Variants in PCSK9 observed in about 807,000 individuals in gnomAD.
PCSK9 encodes the protein convertase subtilisin/kexin type 9 preproprotein.
PCSK9 carries 57 observed loss-of-function variants against 62.1 expected under a neutral mutation model. The ratio of observed to expected loss-of-function variants is 0.92; its 90% CI spans 0.74 to 1.14. The LOEUF (loss-of-function observed/expected upper bound fraction) is 1.14. PCSK9 is among the 50% of genes most tolerant of loss of function. The pLI, the probability that PCSK9 is intolerant of heterozygous loss-of-function variation, is 0.00. For synonymous variants in PCSK9, 387 were observed against 409.4 expected (o/e 0.95, Z 0.66); for missense variants, 870 against 959.8 (o/e 0.91, Z 1.24).
chr1:55,039,970 T>A lies in PCSK9; in HGVS notation c.133T>A (p.Leu45Met). ...CGACTACGAGGAGCTGGTGCTAGCCTTGCGTTCCGAGGAGGACGGCCTGGC... is the reference window on the plus strand; with the variant it reads ...CGACTACGAGGAGCTGGTGCTAGCCATGCGTTCCGAGGAGGACGGCCTGGC... ...DGDYEELVLALRSEEDGLAEA... is the reference protein window; with the variant it reads ...DGDYEELVLAMRSEEDGLAEA... The change falls in exon 1 of 12, where the codon TTG (leucine) becomes ATG (methionine). Residue 45 changes from leucine (L) to methionine (M), a missense_variant. Coordinates refer to ENST00000302118, the MANE Select transcript of PCSK9 (RefSeq NM_174936.4). 6.3e-7 allele frequency: 1 copy of A among 1,580,234 alleles called. No individual in the cohort carries two copies. The highest frequency in any genetic ancestry group is 1.8e-5 in the Admixed American group (1 of 55,394).
At position 55,040,713 on chromosome 1, in the gene PCSK9, CTT is replaced by C. The variant is rs1644592558; in HGVS notation, c.207+671_207+672del. On this transcript the variant is annotated intron_variant, in intron 1 of 11. Coordinates refer to ENST00000302118, the MANE Select transcript of PCSK9 (RefSeq NM_174936.4). This position sits in a 1 kb window ranked among gnomAD's most constrained non-coding sequence, Gnocchi z 4.1. ...GGTATTCTCGAGGCCCATTGGCGTCCTTTAGGACTCAGGCAGGGAAGGGCCCT... is the reference window on the plus strand; with the variant it reads ...GGTATTCTCGAGGCCCATTGGCGTCCTAGGACTCAGGCAGGGAAGGGCCCT... Among the ~76,000 whole-genome samples the C allele has an allele frequency of 6.6e-6, 1 of 152,336 alleles. No homozygotes were observed. Among genetic ancestry groups the C allele is most frequent in the Admixed American group, 6.5e-5 (1 of 15,308 alleles).
intron 11 of PCSK9, among the ~76,000 whole-genome samples, 160 bp from the exon 12 acceptor site, chr1:55,063,209 C>T (rs969214179): frequency 2.7e-5 from 4 of 149,848 alleles, no homozygotes; most frequent in East Asian, 4.1e-4. Context: ...GTGGGAGGTG[C>T]GGGGTGGGAG....
chr1:55,053,536 G>A (rs929941341), intron 5 of PCSK9, among the ~76,000 whole-genome samples: 1 of 151,724 alleles, frequency 6.6e-6, no homozygotes, highest in African/African-American at 2.4e-5. Context: ...TGGGAAAACT[G>A]TCAGCTCTGG....
chr1:55,060,747 C>T (rs942721711), intron 10 of PCSK9, among the ~76,000 whole-genome samples: 7 of 152,268 alleles, frequency 4.6e-5, no homozygotes, highest in Non-Finnish European at 8.8e-5. Context: ...GTGGCTGCCC[C>T]GAGCCCTTGC....
intron 3 of PCSK9, chr1:55,051,892 G>T (rs1032242440): frequency 3.1e-6 from 1 of 321,488 alleles, no homozygotes; most frequent in Non-Finnish European, 6.0e-6. Flanking sequence ...AAATCTTGTT[G>T]TCTTTCTTGC....
At chr1:55,050,578 CACGGG>C (rs1293669935) in intron 3 of PCSK9, among the ~76,000 whole-genome samples, 6 of 152,206 alleles carry the variant, frequency 3.9e-5, no homozygotes, top group Non-Finnish European at 8.8e-5. Flanking sequence ...CCAAAGTGCC[CACGGG>C]ACTGATCAGT....
At chr1:55,044,115 C>A in intron 2 of PCSK9, 81 bp downstream of exon 2, 1 of 1,507,384 alleles carries the variant, frequency 6.6e-7, no homozygotes, top group Non-Finnish European at 9.2e-7. Flanking sequence ...CTTAGTAGGC[C>A]CATTGCTGAA....
Position 55,059,683 on chromosome 1 carries a change from C to T in PCSK9, c.1681+20C>T, listed in dbSNP as rs1644744363. ...TCACAGGTAGGAGGCTGGGCTTGCC[C>T]TGGGGTGAGGAGGGGTCTCTTTCTC... On this transcript the variant is annotated intron_variant, in intron 10 of 11. Coordinates refer to ENST00000302118, the MANE Select transcript of PCSK9 (RefSeq NM_174936.4). 6.5e-7 allele frequency: 1 copy of T among 1,548,022 alleles called. No homozygotes were observed. Among genetic ancestry groups the T allele is most frequent in the Non-Finnish European group, 8.7e-7 (1 of 1,145,764 alleles).
At chr1:55,059,708 C>G in intron 10 of PCSK9, 45 bp downstream of exon 10, 1 of 1,541,648 alleles carries the variant, frequency 6.5e-7, no homozygotes, top group African/African-American at 1.4e-5. Context: ...GTCTCTTTCT[C>G]CTTATGCACC....
At chr1:55,044,241 A>C (rs1210115640) in intron 2 of PCSK9, among the ~76,000 whole-genome samples, 1 of 152,192 alleles carries the variant, frequency 6.6e-6, no homozygotes, top group African/African-American at 2.4e-5. Context: ...TGGTACGTCT[A>C]TCTTCATTTG....
chr1:55,052,740 C>G lies in PCSK9; in HGVS notation c.748C>G (p.Leu250Val). Residue 250 changes from leucine to valine, a missense_variant, in exon 5 of 12, where the codon CTG becomes GTG. Physicochemically the swap from Leu to Val is conservative, Grantham distance 32. Coordinates refer to ENST00000302118, the MANE Select transcript of PCSK9 (RefSeq NM_174936.4). ...GGCCAAGGGTGCCAGCATGCGCAGC[C>G]TGCGCGTGCTCAACTGCCAAGGGAA... ...GVAKGASMRS[L>V]RVLNCQGKGT... The G allele has an allele frequency of 6.2e-7, 1 of 1,613,212 alleles. No homozygotes were observed. The highest frequency in any genetic ancestry group is 8.5e-7 in the Non-Finnish European group (1 of 1,180,020).
Position 55,039,720 on chromosome 1 carries a change from T to G in PCSK9, c.-118T>G. 8.0e-7 allele frequency: 1 copy of G among 1,247,362 alleles called. No individual in the cohort carries two copies. Among genetic ancestry groups the G allele is most frequent in the African/African-American group, 1.5e-5 (1 of 66,786 alleles). The allele number at this position is 1,247,362 out of a possible 1,614,324, so 77.3% of individuals were successfully genotyped here. ...CCGCGCGCCCCTTCACGCGCCCTGC[T>G]CCTGAACTTCAGCTCCTGCACAGTC... On this transcript the variant is annotated 5_prime_UTR_variant, in exon 1 of 12. Transcript: ENST00000302118.
intron 3 of PCSK9, among the ~76,000 whole-genome samples, chr1:55,048,122 G>A (rs1005667183): frequency 2.0e-5 from 3 of 152,158 alleles, no homozygotes; most frequent in African/African-American, 4.8e-5. Context: ...ATCAGTGTCG[G>A]CAGGACCACT....
chr1:55,058,257 T>C (rs1200226818), intron 8 of PCSK9, 48 bp downstream of exon 8: 1 of 1,591,130 alleles, frequency 6.3e-7, no homozygotes, highest in Admixed American at 1.7e-5. Flanking sequence ...GCTTGGGAGG[T>C]CTGTGTGACC....
intron 3 of PCSK9, chr1:55,051,827 A>G: frequency 3.8e-6 from 1 of 266,336 alleles, no homozygotes; most frequent in Non-Finnish European, 7.3e-6. Context: ...TGTCTCTAAA[A>G]TGAGCCGGCC....
intron 5 of PCSK9, among the ~76,000 whole-genome samples, chr1:55,055,605 C>T (rs183332019): frequency 1.3e-5 from 2 of 152,136 alleles, no homozygotes; most frequent in Non-Finnish European, 2.9e-5. Flanking sequence ...TGTGACCGTG[C>T]GGGCTGGCAA....
Position 55,056,140 on chromosome 1 carries a change from G to A in PCSK9, c.947G>A (p.Gly316Asp). The A allele has an allele frequency of 1.3e-6, 2 of 1,553,726 alleles. No homozygotes were observed. The highest frequency in any genetic ancestry group is 1.8e-5 in the Admixed American group (1 of 56,244). Residue 316 changes from glycine to aspartate, a missense_variant, in exon 6 of 12, where the codon GGC becomes GAC. Gly to Asp is a moderately conservative substitution (Grantham distance 94). Coordinates refer to ENST00000302118, the MANE Select transcript of PCSK9 (RefSeq NM_174936.4). Reference sequence around the variant, plus strand: ...GGGGTCGTGCTGGTCACCGCTGCCGGCAACTTCCGGGACGATGCCTGCCTC... The same window carrying A: ...GGGGTCGTGCTGGTCACCGCTGCCGACAACTTCCGGGACGATGCCTGCCTC... Reference protein sequence around the residue: ...RAGVVLVTAAGNFRDDACLYS... With the variant: ...RAGVVLVTAADNFRDDACLYS...
At chr1:55,058,345 T>G in intron 8 of PCSK9, 136 bp downstream of exon 8, 5 of 1,491,928 alleles carry the variant, frequency 3.4e-6, no homozygotes, top group Non-Finnish European at 4.6e-6. Flanking sequence ...AGAATGGGGC[T>G]CTGAAAGGGC....
chr1:55,039,759 G>A lies in PCSK9; in HGVS notation c.-79G>A. 2 of 1,511,708 alleles carry A rather than the reference G, an allele frequency of 1.3e-6. No individual in the cohort carries two copies. The highest frequency in any genetic ancestry group is 1.8e-6 in the Non-Finnish European group (2 of 1,109,488). The allele number at this position is 1,511,708 out of a possible 1,614,324, so 93.6% of individuals were successfully genotyped here. On this transcript the variant is annotated 5_prime_UTR_variant, in exon 1 of 12. Transcript: ENST00000302118. ...TCCTGCACAGTCCTCCCCACCGCAA[G>A]GCTCAAGGCGCCGCCGGCGTGGACC... is the stretch of plus-strand genomic sequence containing the variant.
Sources: gnomAD v4.1 joint callset for allele counts (sites outside exome capture counted in the v4.1 genomes callset) on GRCh38, gnomAD v4.1.1 for gene constraint, Gnocchi (gnomAD v3.1) non-coding constraint, MANE v1.5 for transcripts, NCBI Gene and HGNC (gene_info 2026-07-23, HGNC 2026-07-21) for gene names.